TENM3: variants seen among roughly 807,000 people sequenced by gnomAD.
TENM3 encodes the protein teneurin transmembrane protein 3, also known as teneurin-3.
TENM3 carries 63 observed loss-of-function variants against 255.1 expected under a neutral mutation model. The ratio of observed to expected loss-of-function variants is 0.25; its 90% CI spans 0.20 to 0.30. The LOEUF is 0.30. Among genes scored for constraint, TENM3 ranks in the 10% least tolerant of loss-of-function variants. The pLI is 1.00. For synonymous variants in TENM3, 1,306 were observed against 1,322.3 expected, an observed-to-expected ratio of 0.99 and a Z score of 0.27; for missense variants, 2,929 against 3,461.1, an observed-to-expected ratio of 0.85 and a Z score of 3.86.
intron 1 of TENM3, among the ~76,000 whole-genome samples, chr4:182,307,379 G>A (rs187089689): frequency 4.6e-5 from 7 of 152,278 alleles, no homozygotes; most frequent in Admixed American, 3.9e-4. Context: ...AAAATTATAT[G>A]AGCACAAAGA....
intron 22 of TENM3, among the ~76,000 whole-genome samples, chr4:182,771,917 T>TC (rs1469959611): frequency 6.6e-6 from 1 of 152,126 alleles, no homozygotes; most frequent in East Asian, 1.9e-4. Context: ...CCCTGGCTTC[T>TC]CCCTCCTGAG....
the TENM3 span, among the ~76,000 whole-genome samples, chr4:181,816,453 A>G: frequency 6.6e-6 from 1 of 152,218 alleles, no homozygotes; most frequent in Non-Finnish European, 1.5e-5. Flanking sequence ...CAGTTTTCAC[A>G]TCTATAAAAT....
chr4:182,593,655 G>A (rs1007347728), intron 3 of TENM3, among the ~76,000 whole-genome samples: 1 of 152,118 alleles, frequency 6.6e-6, no homozygotes, highest in Non-Finnish European at 1.5e-5. Context: ...AGTTGGAGTC[G>A]CTGCAGTGAC....
chr4:181,748,498 A>T, the TENM3 span, among the ~76,000 whole-genome samples: 1 of 152,130 alleles, frequency 6.6e-6, no homozygotes, highest in Admixed American at 6.6e-5. Flanking sequence ...TAGATGGTAG[A>T]TGACTGTTTC....
At chr4:181,635,223 T>G in the TENM3 span, among the ~76,000 whole-genome samples, 1 of 152,222 alleles carries the variant, frequency 6.6e-6, no homozygotes, top group Non-Finnish European at 1.5e-5. Context: ...AAATTTTTTA[T>G]TGTAATTATT....
chr4:182,765,703 G>A lies in TENM3; in HGVS notation c.4893-7769G>A, dbSNP rs191510323. Among the ~76,000 whole-genome samples, 157 of 152,128 alleles carry A rather than the reference G, an allele frequency of 1.0e-3. 1 individual carries two copies. The highest frequency in any genetic ancestry group is 3.5e-3 in the African/African-American group (146 of 41,472). On this transcript the variant is annotated intron_variant, in intron 22 of 27. Coordinates refer to ENST00000511685, the MANE Select transcript of TENM3 (RefSeq NM_001080477.4). ...CCTGGGTTCCGGTCGCGATTGTGTC[G>A]CTTACTCCTAACTGCATGACTGTGA...
intron 3 of TENM3, chr4:182,448,956 A>C (rs757851859): frequency 3.8e-5 from 15 of 392,306 alleles, no homozygotes; most frequent in South Asian, 1.4e-4. Context: ...TCAGCCTATC[A>C]TGTCTGGCCG....
At chr4:182,515,144 G>A (rs1737808690) in intron 3 of TENM3, among the ~76,000 whole-genome samples, 1 of 152,190 alleles carries the variant, frequency 6.6e-6, no homozygotes, top group African/African-American at 2.4e-5. Flanking sequence ...GGGGAGAATA[G>A]GTTGCAATGG....
intron 2 of TENM3, among the ~76,000 whole-genome samples, chr4:182,327,451 A>G (rs1427627916): frequency 6.6e-6 from 1 of 152,214 alleles, no homozygotes; most frequent in African/African-American, 2.4e-5. Flanking sequence ...GGAGAATTCA[A>G]ATCGAGAAAT....
chr4:182,349,340 A>G (rs968370308), intron 3 of TENM3, among the ~76,000 whole-genome samples: 38 of 152,316 alleles, frequency 2.5e-4, no homozygotes, highest in Non-Finnish European at 4.4e-4. Context: ...TATTGCATAT[A>G]TTTCAAACAT....
chr4:182,662,679 G>A (rs1189298366), intron 6 of TENM3, among the ~76,000 whole-genome samples: 1 of 152,152 alleles, frequency 6.6e-6, no homozygotes, highest in Non-Finnish European at 1.5e-5. Context: ...TGAAGCCAAA[G>A]TTTTCTGGAA....
chr4:182,514,439 GGT>G (rs1182987392), intron 3 of TENM3, among the ~76,000 whole-genome samples: 1 of 152,142 alleles, frequency 6.6e-6, no homozygotes, highest in Non-Finnish European at 1.5e-5. Context: ...GCAGAGTTTA[GGT>G]GCCTGAAAGA....
intron 3 of TENM3, among the ~76,000 whole-genome samples, chr4:182,461,434 A>G (rs1250829485): frequency 6.6e-6 from 1 of 152,198 alleles, no homozygotes; most frequent in Non-Finnish European, 1.5e-5. Context: ...TTTGGAAGAT[A>G]AGGTTAGAAA....
chr4:181,803,012 CATT>C, the TENM3 span, among the ~76,000 whole-genome samples: 2 of 152,152 alleles, frequency 1.3e-5, no homozygotes, highest in African/African-American at 4.8e-5. Flanking sequence ...TATTTTATAA[CATT>C]AGAGCACAAG....
chr4:181,943,639 G>A, the TENM3 span, among the ~76,000 whole-genome samples: 2 of 152,252 alleles, frequency 1.3e-5, no homozygotes, highest in South Asian at 2.1e-4. Flanking sequence ...GGAATTGCTT[G>A]TGACACCTCT....
chr4:181,850,818 A>G, the TENM3 span, among the ~76,000 whole-genome samples: 2 of 152,248 alleles, frequency 1.3e-5, no homozygotes, highest in Admixed American at 6.5e-5. Context: ...TGTTTTTGAG[A>G]CACAGCCCAA....
the TENM3 span, among the ~76,000 whole-genome samples, chr4:181,603,412 C>T: frequency 6.6e-6 from 1 of 152,098 alleles, no homozygotes; most frequent in Non-Finnish European, 1.5e-5. Flanking sequence ...ATTAGCACTT[C>T]AGTTAGGACT....
At chr4:181,909,639 G>T in the TENM3 span, among the ~76,000 whole-genome samples, 1 of 152,066 alleles carries the variant, frequency 6.6e-6, no homozygotes, top group Non-Finnish European at 1.5e-5. Context: ...ATCTAGTAAT[G>T]ATTTTTTAGA....
chr4:181,680,391 C>CA, the TENM3 span, among the ~76,000 whole-genome samples: 181 of 151,994 alleles, frequency 1.2e-3, no homozygotes, highest in African/African-American at 4.2e-3. Flanking sequence ...TTTAATTTGT[C>CA]AAAAAAATTG....
Sources: allele counts gnomAD v4.1 joint callset (sites outside exome capture counted in the v4.1 genomes callset), GRCh38; gene constraint gnomAD v4.1.1; transcripts MANE v1.5; gene names NCBI Gene and HGNC (gene_info 2026-07-23, HGNC 2026-07-21).